PHF24: variants seen among roughly 807,000 people sequenced by gnomAD.
PHF24 encodes the protein PHD finger protein 24.
PHF24 carries 25 observed loss-of-function variants against 42.6 expected under a neutral mutation model. That is an observed-to-expected ratio of 0.59 (90% confidence interval 0.43 to 0.82). The LOEUF is 0.82. Among genes scored for constraint, PHF24 ranks in the 40% least tolerant of loss-of-function variants. The pLI, the probability that PHF24 is intolerant of heterozygous loss-of-function variation, is 0.00. For missense variants in PHF24, 470 were observed against 538.1 expected (o/e 0.87, Z 1.25); for synonymous variants, 185 against 204.8 (o/e 0.90, Z 0.83).
chr9:34,709,696 C>A, the PHF24 span: 1 of 1,613,580 alleles, frequency 6.2e-7, no homozygotes, highest in Non-Finnish European at 8.5e-7. Flanking sequence ...CGGGTGGGGG[C>A]TAGTAAGCCT....
At chr9:34,821,551 T>C in the PHF24 span, among the ~76,000 whole-genome samples, 1 of 152,200 alleles carries the variant, frequency 6.6e-6, no homozygotes, top group Non-Finnish European at 1.5e-5. Flanking sequence ...TGGCTCAACT[T>C]GCTGGTGGGT....
chr9:34,908,842 C>CT, the PHF24 span, among the ~76,000 whole-genome samples: 30,935 of 135,308 alleles, frequency 0.23, 3,464 homozygotes, highest in South Asian at 0.31. Context: ...CTTTTCTTTT[C>CT]TTTTTTTTTT....
At chr9:34,917,671 G>A in the PHF24 span, 1 of 781,160 alleles carries the variant, frequency 1.3e-6, no homozygotes. Context: ...ACTGCAGTGT[G>A]GGAGCAGACA....
At chr9:34,826,558 A>G in the PHF24 span, among the ~76,000 whole-genome samples, 1 of 152,218 alleles carries the variant, frequency 6.6e-6, no homozygotes, top group Non-Finnish European at 1.5e-5. Context: ...GTGAGCAGGT[A>G]TAGAAGTGAA....
chr9:34,929,129 C>T, the PHF24 span, among the ~76,000 whole-genome samples: 5 of 152,186 alleles, frequency 3.3e-5, no homozygotes, highest in Non-Finnish European at 7.3e-5. Flanking sequence ...CTCAGGTCAC[C>T]CTTCTCCCTA....
At chr9:34,940,210 A>G in the PHF24 span, among the ~76,000 whole-genome samples, 1 of 152,066 alleles carries the variant, frequency 6.6e-6, no homozygotes, top group Non-Finnish European at 1.5e-5. Context: ...CTAAAAGCAG[A>G]CTTTGAGGGT....
chr9:34,798,503 A>G, the PHF24 span, among the ~76,000 whole-genome samples: 1 of 152,190 alleles, frequency 6.6e-6, no homozygotes, highest in African/African-American at 2.4e-5. Flanking sequence ...GCTTAGGATA[A>G]TGGACTCCAG....
chr9:34,766,114 C>G, the PHF24 span, among the ~76,000 whole-genome samples: 1 of 152,188 alleles, frequency 6.6e-6, no homozygotes, highest in South Asian at 2.1e-4. Flanking sequence ...CCTGACCTTT[C>G]TCTCTGGCTA....
At chr9:34,941,713 G>A in the PHF24 span, among the ~76,000 whole-genome samples, 4 of 152,194 alleles carry the variant, frequency 2.6e-5, no homozygotes, top group Admixed American at 2.6e-4. Context: ...TCTTCTCACT[G>A]TAACCTTACA....
At chr9:34,686,236 T>C in the PHF24 span, among the ~76,000 whole-genome samples, 3 of 152,156 alleles carry the variant, frequency 2.0e-5, no homozygotes, top group African/African-American at 7.2e-5. Flanking sequence ...GAAACTGTTA[T>C]ATCTAAGGTT....
At chr9:34,939,644 C>G in the PHF24 span, among the ~76,000 whole-genome samples, 14 of 152,188 alleles carry the variant, frequency 9.2e-5, no homozygotes, top group Non-Finnish European at 1.8e-4. Context: ...GAAGCATGGC[C>G]TCAGAGCAAA....
At chr9:34,703,265 T>C in the PHF24 span, among the ~76,000 whole-genome samples, 1 of 151,770 alleles carries the variant, frequency 6.6e-6, no homozygotes, top group South Asian at 2.1e-4. Context: ...ACCTCCTGGG[T>C]TCAAGCAATT....
the PHF24 span, among the ~76,000 whole-genome samples, chr9:34,743,148 G>C: frequency 6.6e-6 from 1 of 152,118 alleles, no homozygotes; most frequent in African/African-American, 2.4e-5. Flanking sequence ...TGTCCTATAG[G>C]CTCAAAGACC....
chr9:34,764,199 G>A, the PHF24 span, among the ~76,000 whole-genome samples: 2 of 152,238 alleles, frequency 1.3e-5, no homozygotes, highest in African/African-American at 4.8e-5. Flanking sequence ...GTATCAGGAT[G>A]ATGCTGGCCT....
chr9:34,872,066 T>C, the PHF24 span, among the ~76,000 whole-genome samples: 1 of 152,154 alleles, frequency 6.6e-6, no homozygotes, highest in Non-Finnish European at 1.5e-5. Context: ...ATCAGGGTTT[T>C]GCATATGTAT....
chr9:34,750,645 TATAAG>T, the PHF24 span, among the ~76,000 whole-genome samples: 5 of 152,056 alleles, frequency 3.3e-5, no homozygotes, highest in East Asian at 1.9e-4. Context: ...AAAATAATGT[TATAAG>T]ATATTATTTG....
At chr9:34,760,936 G>A in the PHF24 span, among the ~76,000 whole-genome samples, 11 of 151,908 alleles carry the variant, frequency 7.2e-5, no homozygotes, top group Non-Finnish European at 1.6e-4. Context: ...AGGCTGCAGT[G>A]AGCCGTGATC....
chr9:34,681,637 C>G, the PHF24 span, among the ~76,000 whole-genome samples: 1 of 152,310 alleles, frequency 6.6e-6, no homozygotes, highest in Admixed American at 6.5e-5. Context: ...ATGGTGAAGC[C>G]CTGTCTCTAC....
chr9:34,806,939 GTTGT>G, the PHF24 span, among the ~76,000 whole-genome samples: 1 of 152,126 alleles, frequency 6.6e-6, no homozygotes, highest in African/African-American at 2.4e-5. Flanking sequence ...ATTCTAACAG[GTTGT>G]TTAAGTGGAT....
Sources: allele counts gnomAD v4.1 joint callset (sites outside exome capture counted in the v4.1 genomes callset), GRCh38; gene constraint gnomAD v4.1.1; transcripts MANE v1.5; gene names NCBI Gene and HGNC (gene_info 2026-07-23, HGNC 2026-07-21).